The following TNFRSF8 variants were observed in gnomAD, a reference collection of about 807,000 sequenced individuals.
TNFRSF8 encodes tumor necrosis factor receptor superfamily member 8.
A neutral mutation model predicts 70.8 loss-of-function variants in TNFRSF8; 26 were observed. The ratio of observed to expected loss-of-function variants is 0.37; its 90% CI spans 0.27 to 0.51. The LOEUF (loss-of-function observed/expected upper bound fraction) is 0.51. Ranked by LOEUF, TNFRSF8 falls within the 20% of genes least tolerant of loss-of-function variation. The pLI, the probability that TNFRSF8 is intolerant of heterozygous loss-of-function variation, is 0.94. For missense variants in TNFRSF8, 720 were observed against 807.9 expected (o/e 0.89, Z 1.32); for synonymous variants, 356 against 339.2 (o/e 1.05, Z -0.54).
In TNFRSF8 at chr1:12,112,087, C is replaced by T. The variant is rs937050914; in HGVS notation, c.793+73C>T. Reference sequence around the variant, plus strand: ...TTGAACCGTGAACTTCCAGTAACTACTCCCCCTTATGTTTGTGGGTTTTTG... The same window carrying T: ...TTGAACCGTGAACTTCCAGTAACTATTCCCCCTTATGTTTGTGGGTTTTTG... On this transcript the variant is annotated intron_variant, in intron 7 of 14. Transcript: ENST00000263932. The surrounding 1 kb of genome is among the most constrained non-coding windows in gnomAD (Gnocchi z 5.3). 3.8e-5 allele frequency: 42 copies of T among 1,113,246 alleles called. No individual in the cohort carries two copies. Among genetic ancestry groups the T allele is most frequent in the Non-Finnish European group, 5.0e-5 (37 of 743,286 alleles). The allele number at this position is 1,113,246 out of a possible 1,614,324, so 69.0% of individuals were successfully genotyped here.
intron 10 of TNFRSF8, among the ~76,000 whole-genome samples, chr1:12,125,479 G>A (rs1247695850): frequency 6.6e-6 from 1 of 152,146 alleles, no homozygotes; most frequent in East Asian, 1.9e-4. Flanking sequence ...ACGCTTGTGG[G>A]GTGTGTTTAT....
At chr1:12,117,584 G>A (rs1641756310) in intron 8 of TNFRSF8, among the ~76,000 whole-genome samples, 2 of 152,122 alleles carry the variant, frequency 1.3e-5, no homozygotes, top group African/African-American at 4.8e-5. Context: ...AGGGTTCCCT[G>A]GCCAACTTCC....
intron 12 of TNFRSF8, among the ~76,000 whole-genome samples, chr1:12,126,639 C>T (rs1430085984): frequency 6.6e-6 from 1 of 152,206 alleles, no homozygotes; most frequent in Non-Finnish European, 1.5e-5. Flanking sequence ...CCCTCTCTCC[C>T]CCTCTTCTAC....
chr1:12,078,237 T>G (rs1187316297), intron 1 of TNFRSF8, among the ~76,000 whole-genome samples: 1 of 151,946 alleles, frequency 6.6e-6, no homozygotes, highest in Non-Finnish European at 1.5e-5. Context: ...TAGTGATAGG[T>G]TGGGGGCCAG....
intron 2 of TNFRSF8, among the ~76,000 whole-genome samples, chr1:12,086,888 A>G (rs906606943): frequency 6.6e-6 from 1 of 151,934 alleles, no homozygotes; most frequent in Non-Finnish European, 1.5e-5. Context: ...TATCTCCTAA[A>G]AGTCCTATCT....
chr1:12,130,287 A>G (rs1642024036), intron 12 of TNFRSF8, among the ~76,000 whole-genome samples: 1 of 152,150 alleles, frequency 6.6e-6, no homozygotes, highest in African/African-American at 2.4e-5. Context: ...ATGGGTTGTA[A>G]TCTCTTACCA....
intron 8 of TNFRSF8, among the ~76,000 whole-genome samples, chr1:12,121,613 T>C (rs1305403225): frequency 6.6e-6 from 1 of 152,176 alleles, no homozygotes; most frequent in East Asian, 1.9e-4. Context: ...GCTCCAGCCC[T>C]GCGGCTCTCT....
In TNFRSF8 at chr1:12,088,856, G is replaced by A. The variant is rs1204624215; in HGVS notation, c.151+4305G>A. ...GTGCATGGGCACGCCCATTTGGCAT[G>A]ACAGCTGCTGCCCCTGCCGCCTCCC... On this transcript the variant is annotated intron_variant, in intron 2 of 14. Coordinates refer to ENST00000263932, the MANE Select transcript of TNFRSF8 (RefSeq NM_001243.5). The surrounding 1 kb of genome is among the most constrained non-coding windows in gnomAD (Gnocchi z 4.0). 1.3e-5 allele frequency among the ~76,000 whole-genome samples: 2 copies of A among 152,234 alleles called. No homozygotes were observed. The highest frequency in any genetic ancestry group is 2.9e-5 in the Non-Finnish European group (2 of 68,034).
At chr1:12,111,821 G>A (rs2101007075) in intron 6 of TNFRSF8, 77 bp from the exon 7 acceptor site, 1 of 1,206,454 alleles carries the variant, frequency 8.3e-7, no homozygotes, top group Non-Finnish European at 1.2e-6. Context: ...TGAGGGATGG[G>A]GGGCTTCAGG....
intron 1 of TNFRSF8, among the ~76,000 whole-genome samples, chr1:12,078,326 G>A (rs974426020): frequency 1.3e-5 from 2 of 152,190 alleles, no homozygotes; most frequent in Non-Finnish European, 2.9e-5. Context: ...CACTTTGGGA[G>A]GCTGAGGTGG....
At position 12,138,296 on chromosome 1, in the gene TNFRSF8, T is replaced by A. The variant is rs766910090; in HGVS notation, c.1403T>A (p.Leu468Gln). 3.1e-6 allele frequency: 5 copies of A among 1,613,588 alleles called. No individual in the cohort carries two copies. The highest frequency in any genetic ancestry group is 4.2e-6 in the Non-Finnish European group (5 of 1,179,912). Residue 468 changes from leucine to glutamine, a missense_variant, in exon 14 of 15, where the codon CTG becomes CAG. Transcript: ENST00000263932. The surrounding 1 kb of genome is among the most constrained non-coding windows in gnomAD (Gnocchi z 5.7). Reference sequence around the variant, plus strand: ...GAGCGAGGGTTAATGAGCCAGCCACTGATGGAGACCTGCCACAGCGTGGGG... The same window carrying A: ...GAGCGAGGGTTAATGAGCCAGCCACAGATGGAGACCTGCCACAGCGTGGGG... ...AEERGLMSQP[L>Q]METCHSVGAA...
chr1:12,106,305 C>T (rs1001697247), intron 4 of TNFRSF8, among the ~76,000 whole-genome samples: 5 of 152,038 alleles, frequency 3.3e-5, no homozygotes, highest in Non-Finnish European at 5.9e-5. Context: ...TTCTCTCTGT[C>T]GGAGACACCC....
chr1:12,093,722 G>A (rs1324473846), intron 2 of TNFRSF8, among the ~76,000 whole-genome samples: 1 of 152,066 alleles, frequency 6.6e-6, no homozygotes, highest in Non-Finnish European at 1.5e-5. Context: ...TGCATTTTCA[G>A]TAGAGATGAG....
At chr1:12,136,424 G>A (rs993229673) in intron 13 of TNFRSF8, among the ~76,000 whole-genome samples, 22 of 152,052 alleles carry the variant, frequency 1.4e-4, no homozygotes, top group Non-Finnish European at 1.0e-4. Context: ...TGAGGCAGGC[G>A]GATCACCTGA....
intron 12 of TNFRSF8, 22 bp downstream of exon 12, chr1:12,126,258 G>A: frequency 3.1e-6 from 5 of 1,614,098 alleles, no homozygotes; most frequent in Non-Finnish European, 4.2e-6. Context: ...GCCGTCCAAA[G>A]GGGCTGCCCG....
At chr1:12,139,558 C>A (rs2101050459) in intron 14 of TNFRSF8, among the ~76,000 whole-genome samples, 1 of 152,310 alleles carries the variant, frequency 6.6e-6, no homozygotes, top group Middle Eastern at 3.4e-3. Context: ...GTGTTTATAG[C>A]CTTCCTCCAC....
rs528164879 is a variant in TNFRSF8 at position 12,111,788 on chromosome 1, C to T, written c.677-110C>T. 90 of 832,054 alleles carry T rather than the reference C, an allele frequency of 1.1e-4. 1 individual carries two copies. The highest frequency in any genetic ancestry group is 1.5e-4 in the Non-Finnish European group (74 of 479,184). The allele number at this position is 832,054 out of a possible 1,614,324, so 51.5% of individuals were successfully genotyped here. A position where few individuals can be genotyped will look rare whatever the true frequency, so the allele number is the denominator to read the frequency against. Reference sequence around the variant, plus strand: ...TGAAAGGCTGGACTGAGCTGACATGCGGAGTTTGGGAGCTGGCCACGGTGA... The same window carrying T: ...TGAAAGGCTGGACTGAGCTGACATGTGGAGTTTGGGAGCTGGCCACGGTGA... On this transcript the variant is annotated intron_variant, in intron 6 of 14. Coordinates refer to ENST00000263932, the MANE Select transcript of TNFRSF8 (RefSeq NM_001243.5).
Position 12,143,930 on chromosome 1 carries a change from G to T in TNFRSF8, c.*1399G>T, listed in dbSNP as rs1046867385. 1 of 152,296 alleles carries T rather than the reference G, an allele frequency of 6.6e-6. No individual in the cohort carries two copies. The highest frequency in any genetic ancestry group is 2.4e-5 in the African/African-American group (1 of 41,466). 9.4% of individuals were successfully genotyped at this position (152,296 alleles called of 1,614,324 possible). A position where few individuals can be genotyped will look rare whatever the true frequency, so the allele number is the denominator to read the frequency against. On this transcript the variant is annotated 3_prime_UTR_variant, in exon 15 of 15. Transcript: ENST00000263932. The surrounding 1 kb of genome is among the most constrained non-coding windows in gnomAD (Gnocchi z 4.1). ...TGGAGAAGCCGTGGCCTTGCGAGAG[G>T]TGGTTACACCAGAACCTGGACATTG...
chr1:12,066,390 G>A (rs892512662), intron 1 of TNFRSF8, among the ~76,000 whole-genome samples: 12 of 147,684 alleles, frequency 8.1e-5, no homozygotes, highest in Non-Finnish European at 1.6e-4. Context: ...GTCTCCCTCA[G>A]CTGCCCAGGC....
Sources: gnomAD v4.1 joint callset for allele counts (sites outside exome capture counted in the v4.1 genomes callset) on GRCh38, gnomAD v4.1.1 for gene constraint, Gnocchi (gnomAD v3.1) non-coding constraint, MANE v1.5 for transcripts, NCBI Gene and HGNC (gene_info 2026-07-23, HGNC 2026-07-21) for gene names.